Variants in LSAMP observed in about 807,000 individuals in gnomAD.
LSAMP encodes the protein limbic system-associated membrane protein.
In LSAMP, 7 loss-of-function variants were observed where a neutral mutation model predicts 38.6. The ratio of observed to expected loss-of-function variants is 0.18; its 90% CI spans 0.10 to 0.34. The LOEUF is 0.34. Ranked by LOEUF, LSAMP falls within the 10% of genes least tolerant of loss-of-function variation. The probability of loss-of-function intolerance (pLI) is 1.00; values close to 1 mark genes in which losing one functional copy is unlikely to be tolerated. For synonymous variants in LSAMP, 154 were observed against 166.8 expected, an observed-to-expected ratio of 0.92 and a Z score of 0.59; for missense variants, 313 against 420.0, an observed-to-expected ratio of 0.75 and a Z score of 2.23.
rs540727351 is a variant in LSAMP at position 116,131,227 on chromosome 3, A to G, written c.156-44671T>C. On this transcript the variant is annotated intron_variant, in intron 1 of 6. Transcript: ENST00000490035. ...AGGATGGTCTCGATCTCCTGACCTC[A>G]TGATCCGCCCACCTTGGCCTCCCTA... 1.4e-4 allele frequency among the ~76,000 whole-genome samples: 21 copies of G among 151,992 alleles called. No individual in the cohort carries two copies. In the South Asian group the frequency reaches 2.9e-3, roughly 21 times the overall value.
chr3:116,419,102 TA>T (rs2049089813), intron 1 of LSAMP, among the ~76,000 whole-genome samples: 1 of 152,222 alleles, frequency 6.6e-6, no homozygotes, highest in Admixed American at 6.5e-5. Flanking sequence ...CTATTCTGGG[TA>T]GGCAATTCAT....
chr3:115,858,920 C>G (rs1397654084), intron 3 of LSAMP, among the ~76,000 whole-genome samples: 2 of 152,144 alleles, frequency 1.3e-5, no homozygotes, highest in African/African-American at 4.8e-5. Context: ...TCATGTTTTG[C>G]TTTTGTTTTC....
chr3:116,430,343 A>G (rs1372034153), intron 1 of LSAMP, among the ~76,000 whole-genome samples: 1 of 152,216 alleles, frequency 6.6e-6, no homozygotes, highest in Non-Finnish European at 1.5e-5. Context: ...TTCCATTAAA[A>G]AAATCCAAAA....
intron 1 of LSAMP, among the ~76,000 whole-genome samples, chr3:116,310,113 GA>G (rs1220446218): frequency 2.6e-5 from 4 of 152,146 alleles, no homozygotes; most frequent in African/African-American, 9.6e-5. Flanking sequence ...CCACAAAAGA[GA>G]AAGAATATTT....
chr3:116,431,894 C>T (rs1016688591), intron 1 of LSAMP, among the ~76,000 whole-genome samples: 1 of 151,930 alleles, frequency 6.6e-6, no homozygotes, highest in African/African-American at 2.4e-5. Flanking sequence ...TTAAAAAATA[C>T]AGTTATTTTT....
chr3:115,818,259 C>T (rs950367538), intron 6 of LSAMP, among the ~76,000 whole-genome samples: 1 of 152,172 alleles, frequency 6.6e-6, no homozygotes. Flanking sequence ...TTTCTTGCAT[C>T]AAGCCTCTTA....
At chr3:116,245,355 T>C (rs2046591612) in intron 1 of LSAMP, among the ~76,000 whole-genome samples, 1 of 152,226 alleles carries the variant, frequency 6.6e-6, no homozygotes, top group Admixed American at 6.5e-5. Flanking sequence ...ATGGCTGTCC[T>C]ATCAAACTAA....
chr3:116,189,334 C>A (rs981448317), intron 1 of LSAMP, among the ~76,000 whole-genome samples: 1 of 151,996 alleles, frequency 6.6e-6, no homozygotes, highest in African/African-American at 2.4e-5. Context: ...CACAAAGAAA[C>A]CCTGCATAGA....
intron 1 of LSAMP, among the ~76,000 whole-genome samples, chr3:116,320,663 T>C (rs1172485803): frequency 6.6e-6 from 1 of 152,136 alleles, no homozygotes; most frequent in Admixed American, 6.5e-5. Context: ...TTCTCTACCC[T>C]GTCTTCTGCT....
At chr3:115,945,518 C>T (rs2107567030) in intron 3 of LSAMP, among the ~76,000 whole-genome samples, 1 of 152,244 alleles carries the variant, frequency 6.6e-6, no homozygotes, top group South Asian at 2.1e-4. Context: ...GGTCACACAA[C>T]TTTGAAGCTT....
intron 6 of LSAMP, among the ~76,000 whole-genome samples, chr3:115,815,062 C>A (rs1489052705): frequency 1.3e-5 from 2 of 152,132 alleles, no homozygotes; most frequent in African/African-American, 2.4e-5. Context: ...AGGGGAAATA[C>A]GGTAGTCCCC....
chr3:116,409,435 T>C (rs535495852), intron 1 of LSAMP, among the ~76,000 whole-genome samples: 48 of 152,000 alleles, frequency 3.2e-4, no homozygotes, highest in Non-Finnish European at 3.5e-4. Flanking sequence ...CTTTTAAAGA[T>C]GAAAATAAAG....
chr3:116,439,228 C>T (rs560195886), intron 1 of LSAMP, among the ~76,000 whole-genome samples: 2 of 152,190 alleles, frequency 1.3e-5, no homozygotes, highest in South Asian at 2.1e-4. Flanking sequence ...CAGTGCTTCT[C>T]CAACCTCAAT....
At chr3:116,130,821 T>A (rs955427022) in intron 1 of LSAMP, among the ~76,000 whole-genome samples, 4 of 152,046 alleles carry the variant, frequency 2.6e-5, no homozygotes, top group African/African-American at 7.2e-5. Context: ...AGAGATCATA[T>A]CTATATAGAT....
chr3:116,437,254 C>T lies in LSAMP; in HGVS notation c.155+7623G>A, dbSNP rs546261364. 3.3e-5 allele frequency among the ~76,000 whole-genome samples: 5 copies of T among 151,838 alleles called. 1 individual carries two copies. The highest frequency in any genetic ancestry group is 1.2e-4 in the African/African-American group (5 of 41,390). On this transcript the variant is annotated intron_variant, in intron 1 of 6. Transcript: ENST00000490035. ...AGAATGATACAATAGACTTTGGGGA[C>T]TTGGGGGAAGGGGGGCGAGGAATAA... is the stretch of plus-strand genomic sequence containing the variant.
chr3:116,287,757 C>T (rs1274953128), intron 1 of LSAMP, among the ~76,000 whole-genome samples: 4 of 152,194 alleles, frequency 2.6e-5, no homozygotes, highest in Non-Finnish European at 5.9e-5. Context: ...CAAAGTCCCA[C>T]CTCCAGTTTG....
chr3:115,882,675 A>C (rs1936351717), intron 3 of LSAMP, among the ~76,000 whole-genome samples: 1 of 152,118 alleles, frequency 6.6e-6, no homozygotes, highest in Admixed American at 6.6e-5. Context: ...TTGAAATATG[A>C]ATTTTCATAT....
At chr3:116,024,312 C>G (rs550630710) in intron 2 of LSAMP, among the ~76,000 whole-genome samples, 47 of 152,266 alleles carry the variant, frequency 3.1e-4, no homozygotes, top group African/African-American at 1.0e-3. Flanking sequence ...CTTAGTTTTT[C>G]CCAACTCTTT....
chr3:116,102,528 C>T (rs1708370344), intron 1 of LSAMP, among the ~76,000 whole-genome samples: 1 of 152,084 alleles, frequency 6.6e-6, no homozygotes, highest in African/African-American at 2.4e-5. Flanking sequence ...ATTGATCTTC[C>T]CAAATGTGGG....
Sources: gnomAD v4.1 joint callset for allele counts (sites outside exome capture counted in the v4.1 genomes callset) on GRCh38, gnomAD v4.1.1 for gene constraint, MANE v1.5 for transcripts, NCBI Gene and HGNC (gene_info 2026-07-23, HGNC 2026-07-21) for gene names.